The following BANP variants were observed in gnomAD, a reference collection of about 807,000 sequenced individuals.
The protein encoded by BANP is protein BANP.
A neutral mutation model predicts 68.1 loss-of-function variants in BANP; 11 were observed. The observed-to-expected ratio is 0.16, with a 90% confidence interval of 0.10 to 0.27. The LOEUF (loss-of-function observed/expected upper bound fraction) is 0.27, where lower values mean the gene tolerates loss of function less well. Ranked by LOEUF, BANP falls within the 10% of genes least tolerant of loss-of-function variation. BANP has a pLI of 1.00. For missense variants in BANP, 504 were observed against 722.7 expected, an observed-to-expected ratio of 0.70 and a Z score of 3.47; for synonymous variants, 329 against 303.2, an observed-to-expected ratio of 1.09 and a Z score of -0.88.
At chr16:88,076,320 C>T (rs565178121) in intron 13 of BANP, among the ~76,000 whole-genome samples, 85 of 147,888 alleles carry the variant, frequency 5.7e-4, no homozygotes, top group Non-Finnish European at 1.0e-3. Context: ...AGCTGCTGCG[C>T]CGGCCCCGGT....
chr16:88,063,911 T>C (rs756084642), intron 11 of BANP, among the ~76,000 whole-genome samples: 2 of 152,262 alleles, frequency 1.3e-5, no homozygotes, highest in Non-Finnish European at 2.9e-5. Flanking sequence ...TGTTCTCAAC[T>C]GGGAATGCAT....
intron 11 of BANP, among the ~76,000 whole-genome samples, chr16:88,047,942 G>T (rs1325627564): frequency 1.3e-5 from 2 of 152,192 alleles, no homozygotes; most frequent in Non-Finnish European, 1.5e-5. Context: ...AGCAGGGTCC[G>T]CAAGGGCTTG....
chr16:87,968,578 G>C (rs769804511), intron 1 of BANP, among the ~76,000 whole-genome samples: 32 of 151,996 alleles, frequency 2.1e-4, no homozygotes, highest in Non-Finnish European at 4.4e-4. Flanking sequence ...ATGACATGTA[G>C]CTTTGATCTT....
chr16:87,980,293 A>T (rs1458312259), intron 2 of BANP, among the ~76,000 whole-genome samples: 1 of 152,256 alleles, frequency 6.6e-6, no homozygotes, highest in Non-Finnish European at 1.5e-5. Flanking sequence ...TCACAGACAG[A>T]TAGAAATGTG....
rs1008879379 is a variant in BANP at position 88,003,468 on chromosome 16, C to G, written c.363-827C>G. ...TCACGTTGTGTTTCTAGTGCTAGTT[C>G]TTTCTCTCCCCAGCCTTCCACAACA... On this transcript the variant is annotated intron_variant, in intron 4 of 13. Transcript: ENST00000682872. The surrounding 1 kb of genome is among the most constrained non-coding windows in gnomAD (Gnocchi z 6.1). 2.0e-5 allele frequency: 9 copies of G among 456,124 alleles called. No homozygotes were observed. The highest frequency in any genetic ancestry group is 3.1e-5 in the Non-Finnish European group (7 of 226,968). The allele number at this position is 456,124 out of a possible 1,614,324, so 28.3% of individuals were successfully genotyped here.
At chr16:88,072,275 G>T in intron 13 of BANP, 63 bp downstream of exon 13, 1 of 1,537,516 alleles carries the variant, frequency 6.5e-7, no homozygotes, top group Non-Finnish European at 8.8e-7. Context: ...CGCTGCCACC[G>T]GGCACACGTG....
At chr16:88,033,736 G>A (rs2078703662) in intron 9 of BANP, among the ~76,000 whole-genome samples, 1 of 152,214 alleles carries the variant, frequency 6.6e-6, no homozygotes. Flanking sequence ...GGCGGGCACT[G>A]TCCCAGCAGC....
chr16:87,956,128 A>AAT (rs2058009994), intron 1 of BANP, among the ~76,000 whole-genome samples: 1 of 152,182 alleles, frequency 6.6e-6, no homozygotes, highest in Non-Finnish European at 1.5e-5. Context: ...CCTCGTCTGC[A>AAT]GTGATACTGT....
intron 1 of BANP, among the ~76,000 whole-genome samples, chr16:87,958,397 AGT>A (rs1455892066): frequency 6.6e-6 from 1 of 152,178 alleles, no homozygotes; most frequent in East Asian, 1.9e-4. Flanking sequence ...TGCAGTGATG[AGT>A]GTATGAACTT....
At chr16:87,970,546 G>T (rs993875246) in intron 1 of BANP, among the ~76,000 whole-genome samples, 4 of 152,148 alleles carry the variant, frequency 2.6e-5, no homozygotes, top group African/African-American at 9.7e-5. Context: ...ATAAATGCTT[G>T]ATTTTTTCTT....
chr16:88,071,512 G>A lies in BANP; in HGVS notation c.1378-557G>A, dbSNP rs541765153. 2.4e-4 allele frequency: 108 copies of A among 456,412 alleles called. 1 individual carries two copies. The highest frequency in any genetic ancestry group is 1.4e-3 in the South Asian group (91 of 64,554). 28.3% of individuals were successfully genotyped at this position (456,412 alleles called of 1,614,324 possible). A position where few individuals can be genotyped will look rare whatever the true frequency, so the allele number is the denominator to read the frequency against. On this transcript the variant is annotated intron_variant, in intron 12 of 13. Coordinates refer to ENST00000682872, the MANE Select transcript of BANP (RefSeq NM_001386991.1). This position sits in a 1 kb window ranked among gnomAD's most constrained non-coding sequence, Gnocchi z 6.5. ...CTCTCTGCCACCAGGACTCACTTCC[G>A]CCCATCTTGGAACTGGGCCTCACTT...
chr16:88,047,806 A>G lies in BANP; in HGVS notation c.1311+9795A>G, dbSNP rs562082604. 8.5e-5 allele frequency among the ~76,000 whole-genome samples: 13 copies of G among 152,318 alleles called. No homozygotes were observed. In the South Asian group the frequency reaches 1.2e-3, roughly 15 times the overall value. ...TGTGGTACATAGTGAACTCCTTCCTATGTTTGGTGTACTTGGCAGTAATGC... is the reference window on the plus strand; with the variant it reads ...TGTGGTACATAGTGAACTCCTTCCTGTGTTTGGTGTACTTGGCAGTAATGC... On this transcript the variant is annotated intron_variant, in intron 11 of 13. Coordinates refer to ENST00000682872, the MANE Select transcript of BANP (RefSeq NM_001386991.1).
At chr16:88,016,130 C>A (rs2074499117) in intron 6 of BANP, among the ~76,000 whole-genome samples, 1 of 152,238 alleles carries the variant, frequency 6.6e-6, no homozygotes, top group Non-Finnish European at 1.5e-5. Flanking sequence ...AGGACAGACA[C>A]AGGGAAGGAT....
At chr16:88,041,959 G>T (rs980161037) in intron 11 of BANP, among the ~76,000 whole-genome samples, 2 of 152,222 alleles carry the variant, frequency 1.3e-5, no homozygotes, top group African/African-American at 4.8e-5. Flanking sequence ...GAGGGTGAGA[G>T]ACGCAGTAGG....
At chr16:87,961,675 A>G (rs967910238) in intron 1 of BANP, among the ~76,000 whole-genome samples, 2 of 152,184 alleles carry the variant, frequency 1.3e-5, no homozygotes, top group African/African-American at 4.8e-5. Context: ...TGTATGTACC[A>G]TGAATGTTTG....
chr16:87,994,683 C>A (rs1203287678), intron 4 of BANP, among the ~76,000 whole-genome samples: 3 of 152,012 alleles, frequency 2.0e-5, no homozygotes, highest in Admixed American at 6.6e-5. Flanking sequence ...GCCTGGAATC[C>A]CAGCAACTCG....
intron 4 of BANP, among the ~76,000 whole-genome samples, chr16:87,985,111 C>T (rs374014555): frequency 2.3e-4 from 35 of 152,286 alleles, no homozygotes; most frequent in Middle Eastern, 6.8e-3. Flanking sequence ...GACCTCGCTG[C>T]CCGTGTGTGC....
At position 88,057,699 on chromosome 16, in the gene BANP, C is replaced by T. The variant is rs914722080; in HGVS notation, c.1312-7568C>T. Among the ~76,000 whole-genome samples the T allele has an allele frequency of 1.5e-5, 2 of 132,662 alleles. No individual in the cohort carries two copies. Among genetic ancestry groups the T allele is most frequent in the East Asian group, 2.3e-4 (1 of 4,290 alleles). 87.0% of individuals were successfully genotyped at this position (132,662 alleles called of 152,430 possible). On this transcript the variant is annotated intron_variant, in intron 11 of 13. Coordinates refer to ENST00000682872, the MANE Select transcript of BANP (RefSeq NM_001386991.1). This position sits in a 1 kb window ranked among gnomAD's most constrained non-coding sequence, Gnocchi z 4.6. ...CCAGAAGGGAAGTTGCGGCACTGTG[C>T]GAGACAGTCTGACTTCTGACAAGTA...
Position 87,974,218 on chromosome 16 carries a change from A to G in BANP, c.-68-830A>G, listed in dbSNP as rs540507831. On this transcript the variant is annotated intron_variant, in intron 1 of 13. Coordinates refer to ENST00000682872, the MANE Select transcript of BANP (RefSeq NM_001386991.1). ...CTACGGCATCCTATTTTGCAGTACT[A>G]TATTTGGATCTGTGTGTCCATAGAC... Among the ~76,000 whole-genome samples the G allele has an allele frequency of 1.8e-3, 272 of 152,364 alleles. 2 individuals are homozygous for G. The highest frequency in any genetic ancestry group is 5.8e-3 in the African/African-American group (243 of 41,584).
Sources: gnomAD v4.1 joint callset for allele counts (sites outside exome capture counted in the v4.1 genomes callset) on GRCh38, gnomAD v4.1.1 for gene constraint, Gnocchi (gnomAD v3.1) non-coding constraint, MANE v1.5 for transcripts, NCBI Gene and HGNC (gene_info 2026-07-23, HGNC 2026-07-21) for gene names.